SYT14: variants seen among roughly 807,000 people sequenced by gnomAD.
SYT14 encodes the protein synaptotagmin 14.
SYT14 carries 32 observed loss-of-function variants against 74.2 expected under a neutral mutation model. The observed-to-expected ratio is 0.43, with a 90% CI of 0.33 to 0.58. The LOEUF is 0.58. Ranked by LOEUF, SYT14 falls within the 20% of genes least tolerant of loss-of-function variation. The pLI, the probability that SYT14 is intolerant of heterozygous loss-of-function variation, is 0.05. For missense variants in SYT14, 791 were observed against 981.8 expected (o/e 0.81, Z 2.60); for synonymous variants, 298 against 337.7 (o/e 0.88, Z 1.29).
In SYT14 at chr1:210,162,380, T is replaced by A. The variant is rs1340642237; in HGVS notation, c.*1338T>A. 7.0e-6 allele frequency: 3 copies of A among 427,846 alleles called. No individual in the cohort carries two copies. In the Admixed American group the frequency reaches 7.9e-5, roughly 11 times the overall value. The allele number at this position is 427,846 out of a possible 1,614,324, so 26.5% of individuals were successfully genotyped here. On this transcript the variant is annotated 3_prime_UTR_variant, in exon 10 of 10. Transcript: ENST00000637265. Reference sequence around the variant, plus strand: ...TGAAGTATGTAAAAGTTGTATAATGTGCTAACTTTTTAATGGCAAGGCACT... The same window carrying A: ...TGAAGTATGTAAAAGTTGTATAATGAGCTAACTTTTTAATGGCAAGGCACT...
intron 2 of SYT14, among the ~76,000 whole-genome samples, chr1:209,983,939 C>T (rs2079531515): frequency 6.6e-6 from 1 of 152,106 alleles, no homozygotes; most frequent in South Asian, 2.1e-4. Context: ...GTCTTTATTC[C>T]TTCTTGTATA....
chr1:209,974,194 G>C (rs2079313921), intron 2 of SYT14, among the ~76,000 whole-genome samples: 1 of 151,996 alleles, frequency 6.6e-6, no homozygotes, highest in Non-Finnish European at 1.5e-5. Context: ...TTCTTTTGCT[G>C]TGCAGAAGCT....
At position 210,100,420 on chromosome 1, in the gene SYT14, A is replaced by G. The variant is rs759097556; in HGVS notation, c.1993A>G (p.Met665Val). The change falls in exon 7 of 10, where the codon ATG becomes GTG. Residue 665 changes from methionine to valine, a missense_variant. Physicochemically the swap from Met to Val is conservative, Grantham distance 21 (BLOSUM62 1). Coordinates refer to ENST00000637265, the Ensembl canonical transcript of SYT14. ...AACAAAATTGAATCTTCAAGGGAAA[A>G]TGTCATTGCCTGTGATATTGGAACC... 1.2e-5 allele frequency: 19 copies of G among 1,613,320 alleles called. No homozygotes were observed. In the Admixed American group the frequency reaches 3.2e-4, roughly 27 times the overall value.
intron 6 of SYT14, among the ~76,000 whole-genome samples, chr1:210,096,487 C>T (rs1307549765): frequency 6.6e-6 from 1 of 152,172 alleles, no homozygotes; most frequent in Non-Finnish European, 1.5e-5. Context: ...TGGGGATAAG[C>T]TGTAAGTGAG....
intron 5 of SYT14, among the ~76,000 whole-genome samples, chr1:210,070,075 C>T (rs1300882962): frequency 6.6e-6 from 1 of 152,076 alleles, no homozygotes; most frequent in Non-Finnish European, 1.5e-5. Flanking sequence ...CATCACTTAG[C>T]ATAAACATTT....
chr1:209,966,045 T>C, intron 2 of SYT14: 1 of 413,950 alleles, frequency 2.4e-6, no homozygotes, highest in South Asian at 1.7e-5. Context: ...CTAATTTTGG[T>C]ATTTTTAGTA....
At chr1:210,033,021 G>A (rs1243550985) in intron 5 of SYT14, among the ~76,000 whole-genome samples, 1 of 151,552 alleles carries the variant, frequency 6.6e-6, no homozygotes, top group Non-Finnish European at 1.5e-5. Flanking sequence ...GTACAAACTA[G>A]AATAAGAATT....
At chr1:209,957,915 CTT>C (rs942282124) in intron 2 of SYT14, among the ~76,000 whole-genome samples, 3 of 151,752 alleles carry the variant, frequency 2.0e-5, no homozygotes, top group Non-Finnish European at 4.4e-5. Context: ...AATATTTTTT[CTT>C]TTCATTCTTT....
chr1:210,120,459 A>G (rs1023587529), intron 7 of SYT14, among the ~76,000 whole-genome samples: 4 of 151,460 alleles, frequency 2.6e-5, no homozygotes, highest in African/African-American at 7.3e-5. Context: ...TCCTGGGCTC[A>G]TCAGCCTCCC....
chr1:210,100,034 C>G (rs1489862963), exon 7 of SYT14: 1 of 1,613,906 alleles, frequency 6.2e-7, no homozygotes, highest in Non-Finnish European at 8.5e-7. Flanking sequence ...CAAGGATCAT[C>G]TTCGCAGCTT....
At chr1:210,159,541 T>G in intron 9 of SYT14, 64 bp downstream of exon 8, 2 of 1,412,780 alleles carry the variant, frequency 1.4e-6, no homozygotes, top group Non-Finnish European at 2.0e-6. Context: ...ACCCTAAAAC[T>G]TGCCAGCAGT....
chr1:210,020,776 A>G (rs1349638693), intron 4 of SYT14, among the ~76,000 whole-genome samples: 2 of 152,148 alleles, frequency 1.3e-5, no homozygotes, highest in African/African-American at 2.4e-5. Context: ...ATACAAACTG[A>G]TCTTTTTCCA....
chr1:210,043,242 G>C (rs984150333), intron 5 of SYT14, among the ~76,000 whole-genome samples: 1 of 152,072 alleles, frequency 6.6e-6, no homozygotes, highest in African/African-American at 2.4e-5. Flanking sequence ...GCTACATGTG[G>C]TGTGTACAGA....
chr1:210,102,095 TA>T (rs763651883), intron 7 of SYT14, among the ~76,000 whole-genome samples: 10 of 152,210 alleles, frequency 6.6e-5, no homozygotes, highest in Non-Finnish European at 1.0e-4. Context: ...ACATAACATT[TA>T]TTTTTTTTAA....
intron 7 of SYT14, 93 bp from the exon 7 acceptor site, chr1:210,155,628 T>C (rs967119251): frequency 3.0e-6 from 4 of 1,337,904 alleles, no homozygotes; most frequent in African/African-American, 1.5e-5. Context: ...TATTGTGATT[T>C]ACCTACCTAA....
intron 5 of SYT14, among the ~76,000 whole-genome samples, chr1:210,090,060 T>G (rs2081833471): frequency 6.6e-6 from 1 of 152,182 alleles, no homozygotes; most frequent in Non-Finnish European, 1.5e-5. Context: ...GCGTTACACA[T>G]GAAGACTTGG....
chr1:210,048,876 TA>T (rs2080936162), intron 5 of SYT14, among the ~76,000 whole-genome samples: 1 of 152,170 alleles, frequency 6.6e-6, no homozygotes, highest in South Asian at 2.1e-4. Context: ...AGGCATTAGG[TA>T]AATACAGCTT....
At chr1:210,011,937 A>G (rs1268039620) in intron 2 of SYT14, among the ~76,000 whole-genome samples, 1 of 152,164 alleles carries the variant, frequency 6.6e-6, no homozygotes, top group Non-Finnish European at 1.5e-5. Flanking sequence ...AATAATAAAA[A>G]AGTTGAAAGA....
intron 2 of SYT14, among the ~76,000 whole-genome samples, chr1:210,007,395 T>C (rs1171913998): frequency 6.6e-6 from 1 of 152,024 alleles, no homozygotes; most frequent in Non-Finnish European, 1.5e-5. Flanking sequence ...AATATCAAGC[T>C]ATTTTCTATA....
Sources: gnomAD v4.1 joint callset for allele counts (sites outside exome capture counted in the v4.1 genomes callset) on GRCh38, gnomAD v4.1.1 for gene constraint, MANE v1.5 for transcripts, NCBI Gene and HGNC (gene_info 2026-07-23, HGNC 2026-07-21) for gene names.